The following UNC119 variants were observed in gnomAD, a reference collection of about 807,000 sequenced individuals.
UNC119 encodes the protein protein unc-119 homolog A.
A neutral mutation model predicts 22.6 loss-of-function variants in UNC119; 15 were observed. That is an observed-to-expected ratio of 0.66 (90% CI 0.44 to 1.02). The LOEUF is 1.02. Ranked by LOEUF, UNC119 falls within the 50% of genes least tolerant of loss-of-function variation. The probability of loss-of-function intolerance (pLI) is 0.00; values close to 1 mark genes in which losing one functional copy is unlikely to be tolerated. For missense variants in UNC119, 322 were observed against 336.0 expected (o/e 0.96, Z 0.33); for synonymous variants, 138 against 139.4 (o/e 0.99, Z 0.07).
Position 28,552,498 on chromosome 17 carries a change from G to T in UNC119, c.60C>A (p.Pro20=). ...AGTATESAPG[P]SGQSVAPIPQ... is the part of the protein sequence containing the mutation. The stretch of plus-strand genomic sequence containing the variant: ...GTATGGGGGCCACGCTCTGGCCCGA[G>T]GGCCCCGGAGCGGACTCCGTCGCCG... The change falls in exon 1 of 5, where the codon CCC becomes CCA. Residue 20 remains proline, a synonymous_variant. Transcript: ENST00000335765. 6.4e-7 allele frequency: 1 copy of T among 1,568,322 alleles called. No individual in the cohort carries two copies.
chr17:28,552,282 C>T (rs1268367024), intron 1 of UNC119, 56 bp downstream of exon 1: 21 of 1,484,946 alleles, frequency 1.4e-5, no homozygotes, highest in Non-Finnish European at 1.8e-5. Context: ...CCGGGAGGGC[C>T]CCTCGCACCC....
At chr17:28,552,251 C>T in intron 1 of UNC119, 87 bp downstream of exon 1, 1 of 1,074,384 alleles carries the variant, frequency 9.3e-7, no homozygotes, top group Non-Finnish European at 1.2e-6. Flanking sequence ...GGAAAGGGGG[C>T]GGGGGCCAGG....
chr17:28,548,922 T>G (rs1189157225), intron 1 of UNC119: 1 of 518,882 alleles, frequency 1.9e-6, no homozygotes, highest in Non-Finnish European at 3.5e-6. Context: ...AGTGCCATCC[T>G]ACTGGTCTCT....
At chr17:28,548,305 C>G (rs988020217) in intron 2 of UNC119, 4 of 629,432 alleles carry the variant, frequency 6.4e-6, no homozygotes, top group South Asian at 2.0e-5. Flanking sequence ...TGTGCTTCCC[C>G]GGGCCACAGG....
At chr17:28,549,183 G>A (rs548018161) in intron 1 of UNC119, 2 of 166,570 alleles carry the variant, frequency 1.2e-5, no homozygotes, top group South Asian at 1.3e-4. Flanking sequence ...CCCTGCCTTT[G>A]AGAACCACCT....
intron 1 of UNC119, 38 bp downstream of exon 1, chr17:28,552,300 T>A: frequency 6.6e-7 from 1 of 1,525,670 alleles, no homozygotes; most frequent in Non-Finnish European, 8.8e-7. Context: ...CCCTCTCCCC[T>A]TCCCACCCGC....
Position 28,552,448 on chromosome 17 carries a change from G to T in UNC119, c.110C>A (p.Ser37Tyr). Residue 37 changes from serine to tyrosine, a missense_variant, in exon 1 of 5, where the codon TCT (serine) becomes TAT (tyrosine). Coordinates refer to ENST00000335765, the MANE Select transcript of UNC119 (RefSeq NM_005148.4). ...TGCGTCCGGCTCCGACTCGGACCCA[G>T]ATTCGGATTCCGCAGGCGGCTGTGG... ...PIPQPPAESE[S>Y]GSESEPDAGP... The T allele has an allele frequency of 1.3e-6, 2 of 1,576,606 alleles. No homozygotes were observed. The highest frequency in any genetic ancestry group is 1.7e-6 in the Non-Finnish European group (2 of 1,169,822).
At chr17:28,551,601 G>C (rs538304353) in intron 1 of UNC119, 1 of 153,296 alleles carries the variant, frequency 6.5e-6, no homozygotes, top group African/African-American at 2.4e-5. Flanking sequence ...GCTCAGAGAG[G>C]TGAGGTTACT....
At chr17:28,549,951 C>T (rs1278964592) in intron 1 of UNC119, 1 of 152,190 alleles carries the variant, frequency 6.6e-6, no homozygotes, top group African/African-American at 2.4e-5. Context: ...CCCTGGGCCA[C>T]CTCCTATTCC....
chr17:28,552,377 C>G lies in UNC119; in HGVS notation c.181G>C (p.Gly61Arg). 5 of 1,547,166 alleles carry G rather than the reference C, an allele frequency of 3.2e-6. No individual in the cohort carries two copies. Among genetic ancestry groups the G allele is most frequent in the Non-Finnish European group, 4.3e-6 (5 of 1,153,670 alleles). The change falls in exon 1 of 5, where the codon GGG (glycine) becomes CGG (arginine). Residue 61 changes from glycine to arginine, a missense_variant. By Grantham distance (125) the Gly-to-Arg change is moderately radical. Coordinates refer to ENST00000335765, the MANE Select transcript of UNC119 (RefSeq NM_005148.4). ...TGCAGCCCCAGCACGTCCTCCGGCC[C>G]GATCGGCTGCTTCCTCTGCAGCGGC... ...PGPLQRKQPI[G>R]PEDVLGLQRI...
Position 28,547,002 on chromosome 17 carries a change from TG to T in UNC119, c.*294del. 3 of 404,666 alleles carry T rather than the reference TG, an allele frequency of 7.4e-6. No homozygotes were observed. Among genetic ancestry groups the T allele is most frequent in the Non-Finnish European group, 1.4e-5 (3 of 212,508 alleles). 25.1% of individuals were successfully genotyped at this position (404,666 alleles called of 1,614,324 possible). A position where few individuals can be genotyped will look rare whatever the true frequency, so the allele number is the denominator to read the frequency against. ...GATAGGGGAACACTATTCTGAAACT[TG>T]GGCCCAAGTAGGGCCCAGCTAAGTT... On this transcript the variant is annotated 3_prime_UTR_variant, in exon 5 of 5. Transcript: ENST00000335765.
rs2070139 is a variant in UNC119, at chr17:28,547,296, G to A, written c.*1C>T. On this transcript the variant is annotated 3_prime_UTR_variant, in exon 5 of 5. Coordinates refer to ENST00000335765, the MANE Select transcript of UNC119 (RefSeq NM_005148.4). The stretch of plus-strand genomic sequence containing the variant: ...CTCCTGGGGTCAGGGCAGCCGTGGG[G>A]TCAGGGTGTCCCGCTGTAGGAATAG... 251,608 of 1,613,854 alleles carry A rather than the reference G, an allele frequency of 0.16. 22,085 individuals carry two copies. The highest frequency in any genetic ancestry group is 0.18 in the Non-Finnish European group (211,150 of 1,179,840).
Position 28,552,615 on chromosome 17 carries a change from C to A in UNC119, c.-58G>T, listed in dbSNP as rs2070290369. 7.6e-6 allele frequency: 11 copies of A among 1,443,298 alleles called. No individual in the cohort carries two copies. The Middle Eastern group carries it at 7.2e-4, about 95-fold the overall frequency. 89.4% of individuals were successfully genotyped at this position (1,443,298 alleles called of 1,614,324 possible). A position where few individuals can be genotyped will look rare whatever the true frequency, so the allele number is the denominator to read the frequency against. Reference sequence around the variant, plus strand: ...CCGCCGCTGCCTGCGCCGGCTGGAGCCGGGGGAAGTGGGAGCATCCGCAGC... The same window carrying A: ...CCGCCGCTGCCTGCGCCGGCTGGAGACGGGGGAAGTGGGAGCATCCGCAGC... On this transcript the variant is annotated 5_prime_UTR_variant, in exon 1 of 5. Coordinates refer to ENST00000335765, the MANE Select transcript of UNC119 (RefSeq NM_005148.4).
chr17:28,548,790 C>T, intron 1 of UNC119, 85 bp from the exon 2 acceptor site: 1 of 1,045,310 alleles, frequency 9.6e-7, no homozygotes, highest in Non-Finnish European at 1.5e-6. Context: ...AGAGTAGCTA[C>T]CATCTTCTCA....
chr17:28,547,183 G>A lies in UNC119; in HGVS notation c.*114C>T, dbSNP rs182787681. 53 of 1,296,138 alleles carry A rather than the reference G, an allele frequency of 4.1e-5. No individual in the cohort carries two copies. The highest frequency in any genetic ancestry group is 4.1e-4 in the Middle Eastern group (2 of 4,858). The allele number at this position is 1,296,138 out of a possible 1,614,324, so 80.3% of individuals were successfully genotyped here. On this transcript the variant is annotated 3_prime_UTR_variant, in exon 5 of 5. Coordinates refer to ENST00000335765, the MANE Select transcript of UNC119 (RefSeq NM_005148.4). ...TCCTCCCAACATTGACTCAGGGTCC[G>A]GAGCTCCTGGAGAACTCCCCAAGCA...
Position 28,547,686 on chromosome 17 carries a change from C to T in UNC119, c.601G>A (p.Glu201Lys), listed in dbSNP as rs764936506. The change falls in exon 4 of 5, where the codon GAG (glutamate) becomes AAG (lysine). Residue 201 changes from glutamate to lysine, a missense_variant. Physicochemically the swap from Glu to Lys is moderately conservative, Grantham distance 56. Transcript: ENST00000335765. ...EHIYDFPPLS[E>K]ELISEMIRHP... Reference sequence around the variant, plus strand: ...GACCCTGCCCGCGCACTCAGCTCCTCGGAGAGAGGGGGGAAGTCGTAAATG... The same window carrying T: ...GACCCTGCCCGCGCACTCAGCTCCTTGGAGAGAGGGGGGAAGTCGTAAATG... 76 of 1,614,024 alleles carry T rather than the reference C, an allele frequency of 4.7e-5. No homozygotes were observed. Among genetic ancestry groups the T allele is most frequent in the Middle Eastern group, 1.6e-4 (1 of 6,084 alleles).
At position 28,547,163 on chromosome 17, in the gene UNC119, C is replaced by T. The variant is rs907807155; in HGVS notation, c.*134G>A. 9 of 1,098,004 alleles carry T rather than the reference C, an allele frequency of 8.2e-6. No homozygotes were observed. In the African/African-American group the frequency reaches 1.4e-4, roughly 17 times the overall value. 68.0% of individuals were successfully genotyped at this position (1,098,004 alleles called of 1,614,324 possible). On this transcript the variant is annotated 3_prime_UTR_variant, in exon 5 of 5. Transcript: ENST00000335765. ...CTGGGGACACCAGGTACCCTTCCTC[C>T]CAACATTGACTCAGGGTCCGGAGCT...
intron 1 of UNC119, chr17:28,549,869 C>CTATT (rs2070252436): frequency 6.6e-6 from 1 of 152,216 alleles, no homozygotes; most frequent in African/African-American, 2.4e-5. Context: ...GGGAGGGACT[C>CTATT]GTGCTGTCAG....
chr17:28,547,332 T>G lies in UNC119; in HGVS notation c.688A>C (p.Asn230His). 1 of 1,614,156 alleles carries G rather than the reference T, an allele frequency of 6.2e-7. No individual in the cohort carries two copies. The highest frequency in any genetic ancestry group is 8.5e-7 in the Non-Finnish European group (1 of 1,180,010). The change falls in exon 5 of 5, where the codon AAT becomes CAT. Residue 230 changes from asparagine (N) to histidine (H), a missense_variant. Asn to His is a moderately conservative substitution (Grantham distance 68). Coordinates refer to ENST00000335765, the MANE Select transcript of UNC119 (RefSeq NM_005148.4). ...YFVDDRLVMH[N>H]KADYSYSGTP ...CCGCTGTAGGAATAGTCTGCTTTATTGTGCATCACCAGCCGGTCATCCACG... is the reference window on the plus strand; with the variant it reads ...CCGCTGTAGGAATAGTCTGCTTTATGGTGCATCACCAGCCGGTCATCCACG...
Sources: gnomAD v4.1 joint callset for allele counts on GRCh38, gnomAD v4.1.1 for gene constraint, MANE v1.5 for transcripts, NCBI Gene and HGNC (gene_info 2026-07-23, HGNC 2026-07-21) for gene names.